ANKRD27: variants seen among roughly 807,000 people sequenced by gnomAD.
ANKRD27 encodes ankyrin repeat domain-containing protein 27.
ANKRD27 carries 112 observed loss-of-function variants against 129.7 expected under a neutral mutation model. The ratio of observed to expected loss-of-function variants is 0.86; its 90% CI spans 0.74 to 1.01. ANKRD27 has a LOEUF of 1.01. Ranked by LOEUF, ANKRD27 falls within the 50% of genes least tolerant of loss-of-function variation. The pLI is 0.00. For missense variants in ANKRD27, 1,258 were observed against 1,300.5 expected (o/e 0.97, Z 0.50); for synonymous variants, 516 against 511.2 (o/e 1.01, Z -0.13).
intron 18 of ANKRD27, among the ~76,000 whole-genome samples, 198 bp downstream of exon 18, chr19:32,622,224 G>T (rs1250631235): frequency 6.6e-6 from 1 of 152,142 alleles, no homozygotes; most frequent in African/African-American, 2.4e-5. Context: ...ACAACCCTGA[G>T]AAAAACGCCC....
At position 32,599,795 on chromosome 19, in the gene ANKRD27, G is replaced by A. The variant is rs1422590022; in HGVS notation, c.2847-19C>T. The A allele has an allele frequency of 1.2e-5, 19 of 1,609,770 alleles. No individual in the cohort carries two copies. Among genetic ancestry groups the A allele is most frequent in the Non-Finnish European group, 1.6e-5 (19 of 1,178,428 alleles). On this transcript the variant is annotated intron_variant, in intron 27 of 28. Transcript: ENST00000306065. ...CTTTCCCCTAAAACCCAAAATAAAC[G>A]AAAATAAATATTTGGGACAGTGGCA...
chr19:32,666,484 A>T (rs1368555449), intron 1 of ANKRD27: 1 of 152,122 alleles, frequency 6.6e-6, no homozygotes, highest in African/African-American at 2.4e-5. Context: ...CTGTCTGCAG[A>T]CTGCTCCATG....
At chr19:32,643,880 T>C (rs995813119) in intron 5 of ANKRD27, 1 of 533,874 alleles carries the variant, frequency 1.9e-6, no homozygotes, top group African/African-American at 1.9e-5. Context: ...CTTGGTTTGT[T>C]TTTTCTTTTT....
chr19:32,597,911 G>T lies in ANKRD27; in HGVS notation c.*234C>A. 1.8e-6 allele frequency: 1 copy of T among 566,892 alleles called. No homozygotes were observed. Among genetic ancestry groups the T allele is most frequent in the Non-Finnish European group, 3.2e-6 (1 of 316,282 alleles). 35.1% of individuals were successfully genotyped at this position (566,892 alleles called of 1,614,324 possible). On this transcript the variant is annotated 3_prime_UTR_variant, in exon 29 of 29. Coordinates refer to ENST00000306065, the MANE Select transcript of ANKRD27 (RefSeq NM_032139.3). ...TGGCTTAAGGATCTGGATGCTACTG[G>T]AATTTTTGTCTGTTTCAATTGTATT...
intron 28 of ANKRD27, 78 bp downstream of exon 28, chr19:32,599,626 G>T: frequency 7.9e-7 from 1 of 1,270,128 alleles, no homozygotes; most frequent in Non-Finnish European, 1.1e-6. Context: ...CGATCAAGGA[G>T]ACGTGTTTAC....
At chr19:32,644,506 C>T (rs748924149) in intron 4 of ANKRD27, 27 bp from the exon 5 acceptor site, 32 of 1,606,668 alleles carry the variant, frequency 2.0e-5, no homozygotes, top group Middle Eastern at 1.7e-4. Flanking sequence ...CAGGTCAGGC[C>T]GGCTGAAGCC....
intron 1 of ANKRD27, among the ~76,000 whole-genome samples, chr19:32,674,523 G>A (rs763600494): frequency 6.6e-6 from 1 of 152,142 alleles, no homozygotes; most frequent in Non-Finnish European, 1.5e-5. Context: ...ACATCTCTCG[G>A]TGCTTAAGAG....
intron 25 of ANKRD27, among the ~76,000 whole-genome samples, 167 bp from the exon 26 acceptor site, chr19:32,602,293 T>C (rs2145255656): frequency 1.3e-5 from 2 of 152,120 alleles, no homozygotes; most frequent in South Asian, 4.2e-4. Context: ...AAAGCAGGCC[T>C]GCATGGGGAG....
At chr19:32,648,080 A>C (rs992867986) in intron 3 of ANKRD27, among the ~76,000 whole-genome samples, 1 of 152,182 alleles carries the variant, frequency 6.6e-6, no homozygotes, top group Admixed American at 6.5e-5. Flanking sequence ...AGCCTGGCTA[A>C]TATGGTGAAA....
chr19:32,639,158 C>A, intron 12 of ANKRD27, 198 bp downstream of exon 12: 1 of 601,408 alleles, frequency 1.7e-6, no homozygotes, highest in African/African-American at 1.9e-5. Flanking sequence ...CAATGATAAC[C>A]CACCAATTTT....
In ANKRD27 at chr19:32,628,174, CAGAA is replaced by C. The variant is rs780333342; in HGVS notation, c.1338-13_1338-10del. 9.3e-6 allele frequency: 15 copies of C among 1,612,608 alleles called. No homozygotes were observed. The Admixed American group carries it at 2.5e-4, about 27-fold the overall frequency. On this transcript the variant is annotated splice_polypyrimidine_tract_variant and intron_variant, in intron 14 of 28. Coordinates refer to ENST00000306065, the MANE Select transcript of ANKRD27 (RefSeq NM_032139.3). ...AGGGATCATTCAACCTCCTAAAATA[CAGAA>C]AGAGATAGAAAACTACACAGGGGAA...
chr19:32,597,925 T>G lies in ANKRD27; in HGVS notation c.*220A>C. The G allele has an allele frequency of 1.7e-6, 1 of 579,346 alleles. No homozygotes were observed. Among genetic ancestry groups the G allele is most frequent in the Non-Finnish European group, 3.1e-6 (1 of 324,118 alleles). 35.9% of individuals were successfully genotyped at this position (579,346 alleles called of 1,614,324 possible). On this transcript the variant is annotated 3_prime_UTR_variant, in exon 29 of 29. Transcript: ENST00000306065. ...GGATGCTACTGGAATTTTTGTCTGT[T>G]TCAATTGTATTCATTAGCTTTGAAG...
chr19:32,658,626 G>A (rs1019570646), intron 2 of ANKRD27, among the ~76,000 whole-genome samples: 3 of 152,166 alleles, frequency 2.0e-5, no homozygotes, highest in African/African-American at 7.2e-5. Flanking sequence ...CGAGAGCACC[G>A]CAGCGTGAGA....
At chr19:32,609,357 C>T (rs1472257232) in intron 22 of ANKRD27, among the ~76,000 whole-genome samples, 1 of 151,782 alleles carries the variant, frequency 6.6e-6, no homozygotes, top group Non-Finnish European at 1.5e-5. Context: ...TATATCCACA[C>T]AAAGGCCTGT....
At chr19:32,611,631 G>A (rs1009515373) in intron 22 of ANKRD27, among the ~76,000 whole-genome samples, 1 of 152,178 alleles carries the variant, frequency 6.6e-6, no homozygotes, top group East Asian at 1.9e-4. Flanking sequence ...CCCCAGGCTA[G>A]AGTGCAATGG....
At chr19:32,664,813 G>A (rs545550514) in intron 1 of ANKRD27, among the ~76,000 whole-genome samples, 10 of 149,894 alleles carry the variant, frequency 6.7e-5, no homozygotes, top group South Asian at 2.1e-4. Flanking sequence ...CAGGCTACTC[G>A]GGAGGATGAG....
intron 12 of ANKRD27, chr19:32,637,466 G>C (rs1227044848): frequency 6.6e-6 from 1 of 152,186 alleles, no homozygotes; most frequent in East Asian, 1.9e-4. Context: ...GGAAACAATG[G>C]CAAGGCCACT....
At chr19:32,615,910 T>C (rs2145270131) in intron 21 of ANKRD27, 130 bp from the exon 22 acceptor site, 2 of 1,311,056 alleles carry the variant, frequency 1.5e-6, no homozygotes, top group Non-Finnish European at 2.1e-6. Flanking sequence ...CAGCCATTTA[T>C]AACCGGCTTC....
In ANKRD27 at chr19:32,644,559, C is replaced by A. The variant is rs555697466; in HGVS notation, c.371-80G>T. The A allele has an allele frequency of 2.6e-4, 391 of 1,505,586 alleles. 2 individuals are homozygous for A. In the African/African-American group the frequency reaches 5.0e-3, roughly 19 times the overall value. 93.3% of individuals were successfully genotyped at this position (1,505,586 alleles called of 1,614,324 possible). A position where few individuals can be genotyped will look rare whatever the true frequency, so the allele number is the denominator to read the frequency against. On this transcript the variant is annotated intron_variant, in intron 4 of 28. Transcript: ENST00000306065. The stretch of plus-strand genomic sequence containing the variant: ...CTGTCCTATCCTACAGGGCCTAGGC[C>A]CTCTGGGGAGGAGGGCAAATGTCCT...
Sources: gnomAD v4.1 joint callset for allele counts (sites outside exome capture counted in the v4.1 genomes callset) on GRCh38, gnomAD v4.1.1 for gene constraint, MANE v1.5 for transcripts, NCBI Gene and HGNC (gene_info 2026-07-23, HGNC 2026-07-21) for gene names.